FAT3: variants seen among roughly 807,000 people sequenced by gnomAD.
FAT3 encodes FAT atypical cadherin 3, also known as protocadherin Fat 3.
A neutral mutation model predicts 310.2 loss-of-function variants in FAT3; 95 were observed. That is an observed-to-expected ratio of 0.31 (90% CI 0.26 to 0.36). FAT3 has a LOEUF of 0.36. Among genes scored for constraint, FAT3 ranks in the 10% least tolerant of loss-of-function variants. The pLI is 1.00. For missense variants in FAT3, 5,408 were observed against 5,715.6 expected, an observed-to-expected ratio of 0.95 and a Z score of 1.74; for synonymous variants, 2,314 against 2,192.9, an observed-to-expected ratio of 1.06 and a Z score of -1.54.
chr11:92,687,099 C>T (rs1943656474), intron 3 of FAT3, among the ~76,000 whole-genome samples: 1 of 152,086 alleles, frequency 6.6e-6, no homozygotes, highest in South Asian at 2.1e-4. Flanking sequence ...AGAAATAGCA[C>T]CCCAGGGCTA....
In FAT3 at chr11:92,798,171, T is replaced by A. The variant is rs1947226784; in HGVS notation, c.5158T>A (p.Ser1720Thr). 5.0e-6 allele frequency: 8 copies of A among 1,613,916 alleles called. No individual in the cohort carries two copies. Among genetic ancestry groups the A allele is most frequent in the Non-Finnish European group, 6.8e-6 (8 of 1,179,852 alleles). ...INGIFTINPYSGVITTQKALD... is the reference protein window; with the variant it reads ...INGIFTINPYTGVITTQKALD... ...TGGGATCTTTACCATAAATCCATAT[T>A]CTGGAGTCATCACCACTCAGAAGGC... Residue 1720 changes from serine (S) to threonine (T), a missense_variant, in exon 10 of 28, where the codon TCT becomes ACT. Around this residue, in one of 5 missense-constraint regions of FAT3, gnomAD observed 4,588 missense variants for 4,809.8 expected, o/e 0.95. Coordinates refer to ENST00000525166, the MANE Select transcript of FAT3 (RefSeq NM_001367949.2).
intron 2 of FAT3, chr11:92,498,360 A>G (rs1298360001): frequency 1.3e-5 from 3 of 234,896 alleles, no homozygotes; most frequent in Admixed American, 4.1e-5. Context: ...GTCTTTTCCG[A>G]TGCTGTCTGG....
rs188898539 is a variant in FAT3 at position 92,325,346 on chromosome 11, G to T, written c.-17-26750G>T. Among the ~76,000 whole-genome samples, 3 of 152,322 alleles carry T rather than the reference G, an allele frequency of 2.0e-5. No homozygotes were observed. In the East Asian group the frequency reaches 5.8e-4, roughly 29 times the overall value. The stretch of plus-strand genomic sequence containing the variant: ...AGTGTAGAAAGCCCTTAGGTTGATG[G>T]TTAAGTTAGAAACTTTGGCCCTATT... On this transcript the variant is annotated intron_variant, in intron 1 of 27. Transcript: ENST00000525166.
At chr11:92,483,220 G>T (rs775407309) in intron 2 of FAT3, among the ~76,000 whole-genome samples, 84 of 152,104 alleles carry the variant, frequency 5.5e-4, no homozygotes, top group Non-Finnish European at 1.1e-3. Context: ...TGGAAGGAGT[G>T]CATTTGTCTG....
At chr11:92,816,868 C>T (rs551045403) in intron 13 of FAT3, among the ~76,000 whole-genome samples, 28 of 151,832 alleles carry the variant, frequency 1.8e-4, no homozygotes, top group Non-Finnish European at 2.9e-4. Flanking sequence ...CCCAGCTACT[C>T]GGGAGGCTGA....
At position 92,697,517 on chromosome 11, in the gene FAT3, C is replaced by T; in HGVS notation, c.3669+72C>T. 3 of 1,355,122 alleles carry T rather than the reference C, an allele frequency of 2.2e-6. No individual in the cohort carries two copies. In the South Asian group the frequency reaches 3.5e-5, roughly 16 times the overall value. The allele number at this position is 1,355,122 out of a possible 1,614,324, so 83.9% of individuals were successfully genotyped here. On this transcript the variant is annotated intron_variant, in intron 4 of 27. Coordinates refer to ENST00000525166, the MANE Select transcript of FAT3 (RefSeq NM_001367949.2). ...AAACTTCTTTAACCTTCAACATAAA[C>T]TACACCTTCAATATATTTGAACAGT... is the stretch of plus-strand genomic sequence containing the variant.
intron 1 of FAT3, among the ~76,000 whole-genome samples, chr11:92,297,594 T>A (rs1300810856): frequency 6.6e-6 from 1 of 152,146 alleles, no homozygotes; most frequent in East Asian, 1.9e-4. Context: ...ACAAAACTCA[T>A]GACCAAGAGC....
At chr11:92,480,477 G>C (rs977813286) in intron 2 of FAT3, among the ~76,000 whole-genome samples, 7 of 152,146 alleles carry the variant, frequency 4.6e-5, no homozygotes, top group African/African-American at 1.7e-4. Context: ...AACTGCATTG[G>C]TGAGTTTTTT....
At chr11:92,384,178 T>G (rs200145922) in intron 2 of FAT3, among the ~76,000 whole-genome samples, 9 of 152,126 alleles carry the variant, frequency 5.9e-5, no homozygotes, top group Non-Finnish European at 1.2e-4. Flanking sequence ...TGATTTTTTT[T>G]GGGAGCAGTG....
intron 4 of FAT3, among the ~76,000 whole-genome samples, chr11:92,720,929 ATTCAT>A (rs1944841782): frequency 6.6e-6 from 1 of 152,160 alleles, no homozygotes; most frequent in South Asian, 2.1e-4. Flanking sequence ...ATGTTATAGC[ATTCAT>A]TTCTTTTGTT....
intron 3 of FAT3, among the ~76,000 whole-genome samples, chr11:92,656,853 A>T (rs995240986): frequency 6.6e-6 from 1 of 152,190 alleles, no homozygotes; most frequent in Non-Finnish European, 1.5e-5. Flanking sequence ...GGAACTCTTC[A>T]TAAAATGTCT....
chr11:92,561,053 A>G (rs570687292), intron 3 of FAT3, among the ~76,000 whole-genome samples: 4 of 152,328 alleles, frequency 2.6e-5, no homozygotes, highest in African/African-American at 9.6e-5. Flanking sequence ...TTAAAAAGTG[A>G]TTTAAGGCTG....
At chr11:92,464,407 T>G (rs938322558) in intron 2 of FAT3, among the ~76,000 whole-genome samples, 5 of 152,324 alleles carry the variant, frequency 3.3e-5, no homozygotes, top group Non-Finnish European at 7.3e-5. Context: ...TGCCTTTAAT[T>G]TTTCAAATCA....
chr11:92,666,308 A>G (rs866713014), intron 3 of FAT3, among the ~76,000 whole-genome samples: 3 of 152,170 alleles, frequency 2.0e-5, no homozygotes, highest in Middle Eastern at 6.8e-3. Context: ...TGATAGGTTA[A>G]TATTATTTTA....
At chr11:92,366,557 G>T (rs904486706) in intron 2 of FAT3, 2 of 506,266 alleles carry the variant, frequency 4.0e-6, no homozygotes, top group South Asian at 1.5e-5. Context: ...CATCCCCCAA[G>T]AACTGCATGC....
intron 3 of FAT3, among the ~76,000 whole-genome samples, chr11:92,586,619 C>A (rs1463540154): frequency 6.6e-6 from 1 of 150,546 alleles, no homozygotes; most frequent in Non-Finnish European, 1.5e-5. Flanking sequence ...AGAGTTGTTA[C>A]CCTCTAGTTC....
chr11:92,810,045 G>T lies in FAT3; in HGVS notation c.9450G>T (p.Leu3150Phe). The T allele has an allele frequency of 1.9e-6, 3 of 1,613,804 alleles. No individual in the cohort carries two copies. The South Asian group carries it at 3.3e-5, about 18-fold the overall frequency. ...VYENTATKAL[L>F]TRVQAVDPDI... ...AGAACACAGCCACCAAGGCTCTGTT[G>T]ACCAGAGTTCAAGCCGTGGACCCCG... The change falls in exon 13 of 28, where the codon TTG (leucine) becomes TTT (phenylalanine). Residue 3150 changes from leucine (L) to phenylalanine (F), a missense_variant. Coordinates refer to ENST00000525166, the MANE Select transcript of FAT3 (RefSeq NM_001367949.2).
intron 22 of FAT3, among the ~76,000 whole-genome samples, chr11:92,878,830 AAAAAATAGAAGTTCCAT>A (rs1258561686): frequency 7.2e-5 from 11 of 151,758 alleles, no homozygotes; most frequent in Non-Finnish European, 1.5e-4. Flanking sequence ...TCTGAGATCC[AAAAAATAGAAGTTCCAT>A]AAAAATAGAA....
At chr11:92,524,559 C>G in intron 2 of FAT3, 75 bp from the exon 3 acceptor site, 1 of 1,421,056 alleles carries the variant, frequency 7.0e-7, no homozygotes, top group South Asian at 1.3e-5. Flanking sequence ...TTAGTGTAGT[C>G]CTTTGGAATT....
Sources: gnomAD v4.1 joint callset for allele counts (sites outside exome capture counted in the v4.1 genomes callset) on GRCh38, gnomAD v4.1.1 for gene constraint, gnomAD v4.1.1 regional missense constraint, MANE v1.5 for transcripts, NCBI Gene and HGNC (gene_info 2026-07-23, HGNC 2026-07-21) for gene names.